Variants in TEX11 observed in about 807,000 individuals in gnomAD.
The protein encoded by TEX11 is testis expressed 11.
In TEX11, 7 loss-of-function variants were observed where a neutral mutation model predicts 84.4. That is an observed-to-expected ratio of 0.08 (90% CI 0.05 to 0.16). The LOEUF is 0.16. TEX11 is among the 10% of genes least tolerant of loss of function. TEX11 has a pLI of 1.00. For missense variants in TEX11, 551 were observed against 660.5 expected, an observed-to-expected ratio of 0.83 and a Z score of 1.82; for synonymous variants, 264 against 222.8, an observed-to-expected ratio of 1.18 and a Z score of -1.64.
chrX:70,893,327 AG>A (rs1367447685), intron 2 of TEX11, among the ~76,000 whole-genome samples: 3 of 111,924 alleles, frequency 2.7e-5, no homozygotes, highest in African/African-American at 9.7e-5. Context: ...CAAATGCAAA[AG>A]AACGGAAATC....
At chrX:70,877,298 A>C (rs186362532) in intron 3 of TEX11, among the ~76,000 whole-genome samples, 157 of 110,591 alleles carry the variant, frequency 1.4e-3, no homozygotes, top group African/African-American at 2.9e-3. Context: ...TCTTAAAAAA[A>C]AAAAACAAAA....
At chrX:70,744,272 T>G in intron 9 of TEX11, 53 bp from the exon 10 acceptor site, 1 of 520,218 alleles carries the variant, frequency 1.9e-6, no homozygotes, top group South Asian at 7.9e-5. Context: ...ATATATCCAT[T>G]TCAAATTATA....
At chrX:70,545,460 T>C (rs1040535170) in intron 28 of TEX11, among the ~76,000 whole-genome samples, 1 of 111,654 alleles carries the variant, frequency 9.0e-6, no homozygotes, top group Non-Finnish European at 1.9e-5. Context: ...CCTCCACATC[T>C]TGTCCTGCTG....
chrX:70,834,227 G>A (rs1332355112), intron 7 of TEX11, among the ~76,000 whole-genome samples: 7 of 110,479 alleles, frequency 6.3e-5, no homozygotes, highest in Admixed American at 5.8e-4. Context: ...AAGAAAAGCA[G>A]CTTCGTACAA....
intron 9 of TEX11, among the ~76,000 whole-genome samples, chrX:70,783,160 A>T (rs1354171263): frequency 8.9e-6 from 1 of 112,046 alleles, no homozygotes; most frequent in Non-Finnish European, 1.9e-5. Context: ...TCAAATTAGA[A>T]CTCAGGATTA....
intron 25 of TEX11, among the ~76,000 whole-genome samples, chrX:70,578,252 T>C (rs1366816638): frequency 2.7e-5 from 3 of 112,276 alleles, no homozygotes; most frequent in Non-Finnish European, 5.6e-5. Context: ...GGTTTGTGTA[T>C]AGTCAGTAAG....
chrX:70,716,888 G>C (rs1176288405), intron 13 of TEX11, among the ~76,000 whole-genome samples: 1 of 112,392 alleles, frequency 8.9e-6, no homozygotes, highest in African/African-American at 3.2e-5. Context: ...GGGAGCTGTA[G>C]ACTGGAGCTG....
intron 12 of TEX11, 42 bp downstream of exon 12, chrX:70,725,220 G>C: frequency 1.1e-6 from 1 of 914,885 alleles, no homozygotes; most frequent in Non-Finnish European, 1.5e-6. Flanking sequence ...AAATTGTAGT[G>C]ATGTTTCAAA....
At chrX:70,517,676 G>A in the TEX11 span, among the ~76,000 whole-genome samples, 2 of 111,334 alleles carry the variant, frequency 1.8e-5, no homozygotes, top group African/African-American at 6.5e-5. Context: ...TCTATTGATT[G>A]GAATAGTTTC....
intron 13 of TEX11, among the ~76,000 whole-genome samples, chrX:70,715,642 C>T (rs2090491273): frequency 2.7e-5 from 3 of 112,275 alleles, no homozygotes; most frequent in Admixed American, 9.5e-5. Flanking sequence ...TCAGCTCCAT[C>T]AGGTCCTTTA....
At chrX:70,847,610 T>C (rs906438634) in intron 7 of TEX11, among the ~76,000 whole-genome samples, 1 of 111,774 alleles carries the variant, frequency 8.9e-6, no homozygotes, top group Non-Finnish European at 1.9e-5. Flanking sequence ...TGGAGTGCCG[T>C]GGTGTAATCA....
chrX:70,607,311 A>G (rs1478931808), intron 22 of TEX11, among the ~76,000 whole-genome samples: 3 of 111,666 alleles, frequency 2.7e-5, no homozygotes, highest in Non-Finnish European at 5.6e-5. Context: ...AGCTGAGGCC[A>G]GGCTTGGTGG....
chrX:70,818,840 A>G (rs192684432), intron 8 of TEX11, among the ~76,000 whole-genome samples: 71 of 111,592 alleles, frequency 6.4e-4, no homozygotes, highest in African/African-American at 2.2e-3. Flanking sequence ...CAATGTCTGC[A>G]AGAGGTGATT....
intron 9 of TEX11, among the ~76,000 whole-genome samples, chrX:70,767,405 A>G (rs1315695235): frequency 8.9e-6 from 1 of 111,827 alleles, no homozygotes; most frequent in African/African-American, 3.2e-5. Flanking sequence ...CAAAACTACA[A>G]TGAGATATCA....
At chrX:70,780,445 T>C (rs958372154) in intron 9 of TEX11, among the ~76,000 whole-genome samples, 2 of 112,362 alleles carry the variant, frequency 1.8e-5, no homozygotes, top group Non-Finnish European at 3.8e-5. Context: ...GTTCATCTCA[T>C]TGGGACTGGT....
intron 13 of TEX11, among the ~76,000 whole-genome samples, chrX:70,690,427 T>C (rs776937828): frequency 6.0e-4 from 67 of 112,045 alleles, no homozygotes; most frequent in African/African-American, 2.1e-3. Context: ...GTATAATGGT[T>C]CACGCCTGTA....
intron 8 of TEX11, among the ~76,000 whole-genome samples, chrX:70,813,516 G>A (rs757002462): frequency 1.6e-4 from 18 of 111,616 alleles, no homozygotes; most frequent in African/African-American, 5.2e-4. Context: ...AACACTGGAA[G>A]CATTCCCTTT....
intron 28 of TEX11, among the ~76,000 whole-genome samples, chrX:70,537,518 A>C (rs772839684): frequency 2.8e-5 from 3 of 108,133 alleles, no homozygotes; most frequent in African/African-American, 1.0e-4. Context: ...AAGGGGAGGA[A>C]AGAAGGGAGG....
At chrX:70,819,886 A>G (rs376188415) in intron 8 of TEX11, among the ~76,000 whole-genome samples, 90 of 111,951 alleles carry the variant, frequency 8.0e-4, no homozygotes, top group African/African-American at 2.8e-3. Context: ...TTCTACATTG[A>G]AAATTGTAAA....
Sources: gnomAD v4.1 joint callset for allele counts (sites outside exome capture counted in the v4.1 genomes callset) on GRCh38, gnomAD v4.1.1 for gene constraint, MANE v1.5 for transcripts, NCBI Gene and HGNC (gene_info 2026-07-23, HGNC 2026-07-21) for gene names.